The following SPAG17 variants were observed in gnomAD, a reference collection of about 807,000 sequenced individuals.
SPAG17 encodes sperm-associated antigen 17.
SPAG17 carries 169 observed loss-of-function variants against 273.6 expected under a neutral mutation model. That is an observed-to-expected ratio of 0.62 (90% CI 0.55 to 0.70). The LOEUF (loss-of-function observed/expected upper bound fraction) is 0.70. Among genes scored for constraint, SPAG17 ranks in the 30% least tolerant of loss-of-function variants. The pLI is 0.00. For missense variants in SPAG17, 2,557 were observed against 2,627.8 expected (o/e 0.97, Z 0.59); for synonymous variants, 825 against 873.2 (o/e 0.94, Z 0.97).
At chr1:118,138,431 G>T (rs1225842792) in intron 3 of SPAG17, among the ~76,000 whole-genome samples, 3 of 152,142 alleles carry the variant, frequency 2.0e-5, no homozygotes, top group Non-Finnish European at 4.4e-5. Flanking sequence ...GAGAGGAAAT[G>T]TAATAGAGAA....
At chr1:117,971,062 T>TA (rs1470296965) in intron 45 of SPAG17, among the ~76,000 whole-genome samples, 3 of 152,130 alleles carry the variant, frequency 2.0e-5, no homozygotes, top group Non-Finnish European at 2.9e-5. Flanking sequence ...GTTTTTTTTT[T>TA]ATCTGATTTC....
chr1:118,110,627 T>C (rs777169762), intron 4 of SPAG17, among the ~76,000 whole-genome samples: 1 of 152,216 alleles, frequency 6.6e-6, no homozygotes, highest in Non-Finnish European at 1.5e-5. Flanking sequence ...AATCAGTGGC[T>C]GGTTAGCTCA....
intron 37 of SPAG17, among the ~76,000 whole-genome samples, 191 bp downstream of exon 37, chr1:117,991,224 T>C (rs1026032460): frequency 2.0e-5 from 3 of 152,208 alleles, no homozygotes; most frequent in Non-Finnish European, 4.4e-5. Flanking sequence ...GAATTATTTA[T>C]GAAGAGCCTA....
At chr1:118,040,925 C>T (rs1649681390) in intron 21 of SPAG17, 84 bp from the exon 22 acceptor site, 7 of 872,152 alleles carry the variant, frequency 8.0e-6, no homozygotes, top group Non-Finnish European at 1.3e-5. Context: ...CTAAAGTTGC[C>T]AGAAGCTTAA....
intron 7 of SPAG17, among the ~76,000 whole-genome samples, chr1:118,096,699 A>G (rs1655731291): frequency 1.3e-5 from 2 of 152,146 alleles, no homozygotes; most frequent in Non-Finnish European, 2.9e-5. Context: ...TACTTTTCCA[A>G]TCATTCCATT....
chr1:118,143,742 G>T (rs1658811521), intron 3 of SPAG17, among the ~76,000 whole-genome samples: 1 of 152,116 alleles, frequency 6.6e-6, no homozygotes, highest in South Asian at 2.1e-4. Flanking sequence ...CTCCAATCCT[G>T]GTGTCTGTAG....
At chr1:118,099,406 T>C (rs1231205564) in intron 6 of SPAG17, among the ~76,000 whole-genome samples, 200 bp downstream of exon 6, 1 of 152,226 alleles carries the variant, frequency 6.6e-6, no homozygotes, top group African/African-American at 2.4e-5. Context: ...ACAGGGGATA[T>C]AAATACAGGG....
At chr1:118,182,776 A>C (rs1019335819) in intron 1 of SPAG17, among the ~76,000 whole-genome samples, 4 of 152,182 alleles carry the variant, frequency 2.6e-5, no homozygotes, top group African/African-American at 9.7e-5. Flanking sequence ...AATTCCACCC[A>C]TTATTTAGAG....
intron 1 of SPAG17, among the ~76,000 whole-genome samples, chr1:118,153,000 C>G (rs1019037008): frequency 4.6e-5 from 7 of 152,172 alleles, no homozygotes; most frequent in African/African-American, 1.7e-4. Context: ...TAATAACCAC[C>G]TTTACCCCCT....
intron 13 of SPAG17, among the ~76,000 whole-genome samples, chr1:118,084,218 T>A (rs572542936): frequency 6.6e-6 from 1 of 152,300 alleles, no homozygotes; most frequent in South Asian, 2.1e-4. Flanking sequence ...ATACCCTGCA[T>A]GTCCAGGAGT....
At chr1:118,073,737 G>A in intron 17 of SPAG17, 117 bp downstream of exon 17, 1 of 619,714 alleles carries the variant, frequency 1.6e-6, no homozygotes, top group Non-Finnish European at 2.8e-6. Flanking sequence ...TGAAGTAAAG[G>A]AGACTATTGA....
intron 4 of SPAG17, among the ~76,000 whole-genome samples, chr1:118,114,346 T>C (rs1203324054): frequency 6.6e-6 from 1 of 152,140 alleles, no homozygotes; most frequent in East Asian, 1.9e-4. Context: ...AAGCCCTATA[T>C]TGAAAATGGA....
chr1:118,019,916 T>A (rs1660338124), intron 28 of SPAG17, among the ~76,000 whole-genome samples: 1 of 152,324 alleles, frequency 6.6e-6, no homozygotes, highest in East Asian at 1.9e-4. Flanking sequence ...TTATTTGATA[T>A]GCAATAAATG....
chr1:118,085,734 T>C (rs557083534), intron 13 of SPAG17, among the ~76,000 whole-genome samples, 188 bp downstream of exon 13: 1 of 152,358 alleles, frequency 6.6e-6, no homozygotes, highest in African/African-American at 2.4e-5. Flanking sequence ...TTATGCATTA[T>C]AGCTATGATA....
intron 1 of SPAG17, among the ~76,000 whole-genome samples, chr1:118,161,227 G>A (rs1659895357): frequency 6.6e-6 from 1 of 152,204 alleles, no homozygotes; most frequent in Non-Finnish European, 1.5e-5. Context: ...GGGTTTTACT[G>A]AGGGAATTAG....
chr1:118,065,075 C>A (rs1157627626), intron 18 of SPAG17, among the ~76,000 whole-genome samples: 1 of 151,940 alleles, frequency 6.6e-6, no homozygotes, highest in Non-Finnish European at 1.5e-5. Context: ...AAACCTTTGG[C>A]AAGTTTGATC....
chr1:118,114,829 G>T (rs1656978715), intron 4 of SPAG17, among the ~76,000 whole-genome samples: 1 of 152,142 alleles, frequency 6.6e-6, no homozygotes. Flanking sequence ...TGCAATATAG[G>T]AGTAGAAGTG....
chr1:117,959,297 T>C lies in SPAG17; in HGVS notation c.*4502A>G, dbSNP rs1203598899. On this transcript the variant is annotated intron_variant, in intron 48 of 48. Coordinates refer to ENST00000336338, the MANE Select transcript of SPAG17 (RefSeq NM_206996.4). ...TTTCTTGTATTGCACTCCAGGATGTTATCGGCTTCAATATGGCTGGTCTTG... is the reference window on the plus strand; with the variant it reads ...TTTCTTGTATTGCACTCCAGGATGTCATCGGCTTCAATATGGCTGGTCTTG... 8 of 1,610,900 alleles carry C rather than the reference T, an allele frequency of 5.0e-6. No individual in the cohort carries two copies. The African/African-American group carries it at 6.7e-5, about 13-fold the overall frequency.
chr1:118,097,819 C>A lies in SPAG17; in HGVS notation c.862G>T (p.Ala288Ser). The A allele has an allele frequency of 6.3e-7, 1 of 1,590,580 alleles. No homozygotes were observed. Among genetic ancestry groups the A allele is most frequent in the Non-Finnish European group, 8.5e-7 (1 of 1,172,618 alleles). ...CAGAAAGTTTTAAGCTCTTTTATGG[C>A]ATTTTCTTTCTTCAATTTTTCTGCT... The part of the protein sequence containing the change: ...LEAEKLKKEN[A>S]IKELKTFWKY... The change falls in exon 7 of 49, where the codon GCC becomes TCC. Residue 288 changes from alanine (A) to serine (S), a missense_variant. By Grantham distance (99) the Ala-to-Ser change is moderately conservative. Transcript: ENST00000336338.
Sources: allele counts gnomAD v4.1 joint callset (sites outside exome capture counted in the v4.1 genomes callset), GRCh38; gene constraint gnomAD v4.1.1; transcripts MANE v1.5; gene names NCBI Gene and HGNC (gene_info 2026-07-23, HGNC 2026-07-21).